PALM2AKAP2: variants seen among roughly 807,000 people sequenced by gnomAD.
The protein encoded by PALM2AKAP2 is PALM2-AKAP2 fusion protein.
Under a neutral mutation model 71.5 loss-of-function variants are expected in PALM2AKAP2, and 37 were observed. That is an observed-to-expected ratio of 0.52 (90% confidence interval 0.40 to 0.68). The LOEUF (loss-of-function observed/expected upper bound fraction) is 0.68, where lower values mean the gene tolerates loss of function less well. PALM2AKAP2 is among the 30% of genes least tolerant of loss of function. PALM2AKAP2 has a pLI of 0.00. For missense variants in PALM2AKAP2, 1,224 were observed against 1,191.8 expected, an observed-to-expected ratio of 1.03 and a Z score of -0.40; for synonymous variants, 468 against 478.8, an observed-to-expected ratio of 0.98 and a Z score of 0.29.
At chr9:109,913,004 A>G (rs1830607067) in intron 3 of PALM2AKAP2, among the ~76,000 whole-genome samples, 1 of 152,216 alleles carries the variant, frequency 6.6e-6, no homozygotes, top group Admixed American at 6.5e-5. Context: ...CCTTCTGACC[A>G]ATAGTTTCAC....
chr9:110,141,678 A>G (rs1428806504), intron 2 of PALM2AKAP2, among the ~76,000 whole-genome samples: 1 of 152,174 alleles, frequency 6.6e-6, no homozygotes, highest in African/African-American at 2.4e-5. Context: ...CCTGCGGCAC[A>G]TTTCATATTT....
intron 1 of PALM2AKAP2, among the ~76,000 whole-genome samples, chr9:110,094,034 G>A (rs1834776617): frequency 2.0e-5 from 3 of 152,200 alleles, no homozygotes; most frequent in Non-Finnish European, 2.9e-5. Flanking sequence ...GGAAGCCAGG[G>A]ATGCTGCTTA....
intron 1 of PALM2AKAP2, among the ~76,000 whole-genome samples, chr9:109,829,719 A>T (rs1828247340): frequency 6.6e-6 from 1 of 151,890 alleles, no homozygotes; most frequent in African/African-American, 2.4e-5. Context: ...GTGCTTATGC[A>T]GTTCTCATTG....
At chr9:109,660,622 G>A (rs1001065605) in intron 1 of PALM2AKAP2, among the ~76,000 whole-genome samples, 3 of 151,930 alleles carry the variant, frequency 2.0e-5, no homozygotes, top group Non-Finnish European at 2.9e-5. Flanking sequence ...TTGTTTCCAA[G>A]TCTTTTCTAT....
intron 1 of PALM2AKAP2, among the ~76,000 whole-genome samples, chr9:110,052,948 T>C (rs894302598): frequency 2.3e-4 from 35 of 152,352 alleles, no homozygotes; most frequent in African/African-American, 7.0e-4. Flanking sequence ...ATTTGCCCCA[T>C]TTTCTTGAAA....
At chr9:110,021,970 G>T (rs1833081464) in intron 7 of PALM2AKAP2, among the ~76,000 whole-genome samples, 1 of 152,142 alleles carries the variant, frequency 6.6e-6, no homozygotes. Flanking sequence ...GCAGTCTGGG[G>T]GTGGCAATGT....
At chr9:109,716,579 G>A (rs1398928322) in intron 1 of PALM2AKAP2, among the ~76,000 whole-genome samples, 1 of 143,842 alleles carries the variant, frequency 7.0e-6, no homozygotes, top group African/African-American at 2.5e-5. Flanking sequence ...AAGCTGGCAG[G>A]TACCTGGAAA....
upstream of PALM2AKAP2, chr9:109,780,249 AG>A: frequency 1.8e-6 from 2 of 1,129,726 alleles, no homozygotes; most frequent in Non-Finnish European, 2.2e-6. Context: ...CGGGAGATGC[AG>A]TGAGCGGCGG....
At position 109,675,067 on chromosome 9, in the gene PALM2AKAP2, A is replaced by T. The variant is rs183203316; in HGVS notation, c.5+34201A>T. Among the ~76,000 whole-genome samples the T allele has an allele frequency of 1.3e-3, 203 of 152,240 alleles. 2 individuals carry two copies. The Middle Eastern group carries it at 0.02, about 15-fold the overall frequency. On this transcript the variant is annotated intron_variant, in intron 1 of 6. Transcript: ENST00000374531. ...TGCCCAAATGTAGGCTAATGTAAGT[A>T]TTCTGAGCATATTTGAAGTAAGCTA...
intron 1 of PALM2AKAP2, among the ~76,000 whole-genome samples, chr9:109,850,432 A>G (rs1181135400): frequency 1.3e-5 from 2 of 152,160 alleles, no homozygotes; most frequent in African/African-American, 4.8e-5. Flanking sequence ...TCTGAGATCC[A>G]ACCCCCAACT....
chr9:110,151,872 A>G (rs2119191418), intron 2 of PALM2AKAP2, among the ~76,000 whole-genome samples: 1 of 152,250 alleles, frequency 6.6e-6, no homozygotes, highest in South Asian at 2.1e-4. Flanking sequence ...ACCAATACGG[A>G]CCTGCCCTGA....
intron 1 of PALM2AKAP2, among the ~76,000 whole-genome samples, chr9:109,838,248 G>A (rs540618705): frequency 6.6e-6 from 1 of 152,196 alleles, no homozygotes; most frequent in Non-Finnish European, 1.5e-5. Flanking sequence ...CAACTACATG[G>A]AAACTGAACA....
rs1376796509 is a variant in PALM2AKAP2, at chr9:109,733,466, G to A, written c.6-47022G>A. On this transcript the variant is annotated intron_variant, in intron 1 of 6. Transcript: ENST00000374531. ...AATGGCTAGGCAGAGTGAGAACAGA[G>A]GCTGGAACACACGTGGAAATACCCT... Among the ~76,000 whole-genome samples the A allele has an allele frequency of 2.6e-5, 4 of 152,170 alleles. 1 individual carries two copies. Among genetic ancestry groups the A allele is most frequent in the African/African-American group, 7.2e-5 (3 of 41,446 alleles).
At chr9:109,866,650 A>G (rs536357562) in intron 1 of PALM2AKAP2, among the ~76,000 whole-genome samples, 11 of 152,318 alleles carry the variant, frequency 7.2e-5, no homozygotes, top group Admixed American at 2.6e-4. Flanking sequence ...AGCAAATAAC[A>G]TTGAGCACTT....
intron 1 of PALM2AKAP2, among the ~76,000 whole-genome samples, chr9:109,859,496 T>C (rs1340713949): frequency 6.6e-6 from 1 of 152,214 alleles, no homozygotes; most frequent in Non-Finnish European, 1.5e-5. Flanking sequence ...CCCTGGTTAT[T>C]ATACATCCTA....
chr9:109,722,428 A>G (rs759806355), intron 1 of PALM2AKAP2, among the ~76,000 whole-genome samples: 3 of 152,204 alleles, frequency 2.0e-5, no homozygotes, highest in Non-Finnish European at 2.9e-5. Context: ...TCACTATAAT[A>G]TGCTATGGGG....
At chr9:109,790,621 A>C (rs527371112) in intron 1 of PALM2AKAP2, among the ~76,000 whole-genome samples, 1 of 152,238 alleles carries the variant, frequency 6.6e-6, no homozygotes, top group South Asian at 2.1e-4. Context: ...AGAAAGAGAG[A>C]GGCCGGGATT....
chr9:109,807,272 T>C (rs183656556), intron 1 of PALM2AKAP2, among the ~76,000 whole-genome samples: 1 of 152,218 alleles, frequency 6.6e-6, no homozygotes, highest in Non-Finnish European at 1.5e-5. Flanking sequence ...AGGAATTCAA[T>C]TCTGGACATG....
At chr9:109,786,482 A>G (rs1175717792) in intron 1 of PALM2AKAP2, among the ~76,000 whole-genome samples, 1 of 152,238 alleles carries the variant, frequency 6.6e-6, no homozygotes, top group Non-Finnish European at 1.5e-5. Context: ...TATCTCAGAG[A>G]TGCAGATGAC....
Sources: allele counts gnomAD v4.1 joint callset (sites outside exome capture counted in the v4.1 genomes callset), GRCh38; gene constraint gnomAD v4.1.1; transcripts MANE v1.5; gene names NCBI Gene and HGNC (gene_info 2026-07-23, HGNC 2026-07-21).